ASF1B: variants seen among roughly 807,000 people sequenced by gnomAD.
The protein encoded by ASF1B is anti-silencing function 1B histone chaperone.
In ASF1B, 10 loss-of-function variants were observed where a neutral mutation model predicts 16.6. The ratio of observed to expected loss-of-function variants is 0.60; its 90% confidence interval spans 0.37 to 1.02. ASF1B has a LOEUF of 1.02. Among genes scored for constraint, ASF1B ranks in the 50% least tolerant of loss-of-function variants. The pLI is 0.01. For synonymous variants in ASF1B, 101 were observed against 106.2 expected (o/e 0.95, Z 0.30); for missense variants, 240 against 266.0 (o/e 0.90, Z 0.68).
At chr19:14,128,881 G>T (rs1967356448) in intron 1 of ASF1B, among the ~76,000 whole-genome samples, 2 of 152,172 alleles carry the variant, frequency 1.3e-5, no homozygotes, top group East Asian at 3.8e-4. Context: ...GTATATCCTT[G>T]AGCCCTTTCC....
chr19:14,123,267 G>T (rs533874418), intron 2 of ASF1B, among the ~76,000 whole-genome samples: 1 of 152,098 alleles, frequency 6.6e-6, no homozygotes, highest in African/African-American at 2.4e-5. Context: ...GGATGTGGTA[G>T]CTTGGATTAG....
At chr19:14,136,327 C>T in intron 1 of ASF1B, 21 bp downstream of exon 1, 2 of 1,602,736 alleles carry the variant, frequency 1.2e-6, no homozygotes, top group East Asian at 4.5e-5. Context: ...GGTGGGGGTC[C>T]CCGCACAGGC....
chr19:14,133,985 T>G (rs1446187567), intron 1 of ASF1B, among the ~76,000 whole-genome samples: 2 of 151,762 alleles, frequency 1.3e-5, no homozygotes, highest in African/African-American at 4.8e-5. Context: ...TTGTGTTTTT[T>G]AGTAGAGACG....
chr19:14,135,309 G>T (rs1967472334), intron 1 of ASF1B, among the ~76,000 whole-genome samples: 2 of 152,112 alleles, frequency 1.3e-5, no homozygotes, highest in South Asian at 4.1e-4. Flanking sequence ...GAAACGGGTG[G>T]GCAAACCTGG....
At chr19:14,136,081 G>A (rs1275127768) in intron 1 of ASF1B, among the ~76,000 whole-genome samples, 1 of 151,400 alleles carries the variant, frequency 6.6e-6, no homozygotes, top group Admixed American at 6.6e-5. Flanking sequence ...GAGGCCACTG[G>A]GAGGTCCGAG....
chr19:14,132,436 C>CGT (rs765168674), intron 1 of ASF1B, among the ~76,000 whole-genome samples: 11 of 152,102 alleles, frequency 7.2e-5, no homozygotes, highest in Non-Finnish European at 1.2e-4. Context: ...GCTGGCAGAT[C>CGT]AGTCACAGAG....
At chr19:14,127,128 A>G (rs1203728725) in intron 1 of ASF1B, among the ~76,000 whole-genome samples, 2 of 152,202 alleles carry the variant, frequency 1.3e-5, no homozygotes, top group South Asian at 2.1e-4. Context: ...TTAAAAGACT[A>G]TTATTCCATC....
chr19:14,131,510 T>C (rs1363059102), intron 1 of ASF1B, among the ~76,000 whole-genome samples: 3 of 139,788 alleles, frequency 2.1e-5, no homozygotes, highest in Admixed American at 7.5e-5. Context: ...TGAGATGGAG[T>C]CTTGCTTTGT....
intron 1 of ASF1B, among the ~76,000 whole-genome samples, chr19:14,128,543 T>C (rs943327146): frequency 2.6e-5 from 4 of 152,190 alleles, no homozygotes; most frequent in African/African-American, 9.7e-5. Context: ...GGCATAATCA[T>C]AGCTCACTAC....
rs1967241660 is a variant in ASF1B at position 14,121,725 on chromosome 19, C to T, written c.226-17G>A. 6.2e-7 allele frequency: 1 copy of T among 1,607,144 alleles called. No individual in the cohort carries two copies. The highest frequency in any genetic ancestry group is 1.3e-5 in the African/African-American group (1 of 74,856). Reference sequence around the variant, plus strand: ...GGCGTCGGCCTAGGGGAGACACATCCTAGGCCTTAGCAGTGCCACAGCCAT... The same window carrying T: ...GGCGTCGGCCTAGGGGAGACACATCTTAGGCCTTAGCAGTGCCACAGCCAT... On this transcript the variant is annotated splice_polypyrimidine_tract_variant and intron_variant, in intron 2 of 3. Transcript: ENST00000263382.
chr19:14,136,471 G>A lies in ASF1B; in HGVS notation c.-15C>T, dbSNP rs1293688040. 1.2e-6 allele frequency: 2 copies of A among 1,610,068 alleles called. No individual in the cohort carries two copies. The highest frequency in any genetic ancestry group is 8.5e-7 in the Non-Finnish European group (1 of 1,177,654). On this transcript the variant is annotated 5_prime_UTR_variant, in exon 1 of 4. Coordinates refer to ENST00000263382, the MANE Select transcript of ASF1B (RefSeq NM_018154.3). ...ACCTTGGCCATCGCCTCGCCTCGCC[G>A]CGCCGCAGCAGGGGCAGGGGCTGTG...
At chr19:14,127,956 AC>A (rs1967343635) in intron 1 of ASF1B, among the ~76,000 whole-genome samples, 1 of 151,864 alleles carries the variant, frequency 6.6e-6, no homozygotes, top group South Asian at 2.1e-4. Context: ...TAACTCTTGC[AC>A]CCCATCCAGC....
chr19:14,130,283 G>T (rs943969820), intron 1 of ASF1B, among the ~76,000 whole-genome samples: 2 of 151,558 alleles, frequency 1.3e-5, no homozygotes, highest in Non-Finnish European at 2.9e-5. Context: ...AGATGGTCTC[G>T]ATCTCCTGAC....
chr19:14,123,102 A>G (rs1297841506), intron 2 of ASF1B, among the ~76,000 whole-genome samples: 1 of 152,194 alleles, frequency 6.6e-6, no homozygotes, highest in Non-Finnish European at 1.5e-5. Context: ...CCCTCCAGAA[A>G]AGCTATTAGG....
chr19:14,125,043 T>A (rs960494352), intron 2 of ASF1B, among the ~76,000 whole-genome samples: 5 of 152,214 alleles, frequency 3.3e-5, no homozygotes, highest in African/African-American at 1.2e-4. Context: ...CTCAGCTCAC[T>A]GCAATCTCCA....
At chr19:14,130,837 CAATT>C (rs1156448929) in intron 1 of ASF1B, among the ~76,000 whole-genome samples, 1 of 150,866 alleles carries the variant, frequency 6.6e-6, no homozygotes, top group Non-Finnish European at 1.5e-5. Context: ...GACATGTACA[CAATT>C]AGTATAGCTG....
intron 1 of ASF1B, among the ~76,000 whole-genome samples, chr19:14,128,029 C>T (rs1262867517): frequency 6.6e-6 from 1 of 152,226 alleles, no homozygotes; most frequent in African/African-American, 2.4e-5. Context: ...TATGGAACCT[C>T]TGGCTGTCAA....
intron 3 of ASF1B, 70 bp from the exon 4 acceptor site, chr19:14,120,735 C>T: frequency 6.9e-7 from 1 of 1,442,114 alleles, no homozygotes; most frequent in Non-Finnish European, 9.6e-7. Context: ...GCCAGGACAC[C>T]CCCAATCACC....
In ASF1B at chr19:14,136,390, G is replaced by C. The variant is rs376705220; in HGVS notation, c.67C>G (p.Arg23Gly). ...CTGCACTCGAAGCTGATCTCGAACC[G>C]GAAGGGGCTGTGGAAAGGGCTCGGG... ...ENPSPFHSPF[R>G]FEISFECSEA... The change falls in exon 1 of 4, where the codon CGG (arginine) becomes GGG (glycine). Residue 23 changes from arginine (R) to glycine (G), a missense_variant. Transcript: ENST00000263382. 2 of 1,613,626 alleles carry C rather than the reference G, an allele frequency of 1.2e-6. No homozygotes were observed. Among genetic ancestry groups the C allele is most frequent in the African/African-American group, 2.7e-5 (2 of 74,926 alleles).
Sources: allele counts gnomAD v4.1 joint callset (sites outside exome capture counted in the v4.1 genomes callset), GRCh38; gene constraint gnomAD v4.1.1; transcripts MANE v1.5; gene names NCBI Gene and HGNC (gene_info 2026-07-23, HGNC 2026-07-21).